Variants in DOK7 observed in about 807,000 individuals in gnomAD.
DOK7 encodes the protein docking protein 7.
DOK7 carries 32 observed loss-of-function variants against 30.7 expected under a neutral mutation model. That is an observed-to-expected ratio of 1.04 (90% CI 0.79 to 1.40). The LOEUF (loss-of-function observed/expected upper bound fraction) is 1.40. Among genes scored for constraint, DOK7 ranks in the 40% most tolerant of loss-of-function variants. The probability of loss-of-function intolerance (pLI) is 0.00; values close to 1 mark genes in which losing one functional copy is unlikely to be tolerated. For synonymous variants in DOK7, 447 were observed against 324.1 expected (o/e 1.38, Z -4.07); for missense variants, 1,007 against 699.2 (o/e 1.44, Z -4.97).
In DOK7 at chr4:3,500,436, A is replaced by G. The variant is rs2858037; in HGVS notation, c.1261+33A>G. 0.71 allele frequency: 1,082,013 copies of G among 1,531,842 alleles called. 385,019 individuals are homozygous for G. The highest frequency in any genetic ancestry group is 0.93 in the East Asian group (37,823 of 40,780). 94.9% of individuals were successfully genotyped at this position (1,531,842 alleles called of 1,614,324 possible). On this transcript the variant is annotated intron_variant, in intron 7 of 7. Transcript: ENST00000643608. ...CCCGCCCTGCGTGGAGGCACTGACA[A>G]TTGGGGGCTGGGACCACAGCCTCAG...
Position 3,494,403 on chromosome 4 carries a change from C to CTCTT in DOK7, c.*904_*907dup, listed in dbSNP as rs1728777126. 1.0e-6 allele frequency: 1 copy of CTCTT among 985,828 alleles called. No homozygotes were observed. Among genetic ancestry groups the CTCTT allele is most frequent in the Non-Finnish European group, 1.2e-6 (1 of 830,204 alleles). The allele number at this position is 985,828 out of a possible 1,614,324, so 61.1% of individuals were successfully genotyped here. ...CAGCCCAGCAGCTCCCTGTGAACAC[C>CTCTT]TCTTTGTCCCTTCACTGTCAGCTGT... is the stretch of plus-strand genomic sequence containing the variant. On this transcript the variant is annotated 3_prime_UTR_variant, in exon 7 of 7. Transcript: ENST00000340083.
At chr4:3,472,557 A>G (rs956349991) in intron 2 of DOK7, among the ~76,000 whole-genome samples, 3 of 152,154 alleles carry the variant, frequency 2.0e-5, no homozygotes, top group African/African-American at 7.2e-5. Context: ...CTGCTCTCTC[A>G]GGCAGACCTG....
At position 3,473,650 on chromosome 4, in the gene DOK7, G is replaced by C; in HGVS notation, c.331+14G>C. 6.5e-7 allele frequency: 1 copy of C among 1,535,866 alleles called. No homozygotes were observed. The highest frequency in any genetic ancestry group is 8.8e-7 in the Non-Finnish European group (1 of 1,134,974). ...CGCTCGGCGAGGGTGAGTGACGGGG[G>C]CCGGGGCCGGGCGGGGGCTCCCCGT... On this transcript the variant is annotated intron_variant, in intron 3 of 6. Coordinates refer to ENST00000340083, the MANE Select transcript of DOK7 (RefSeq NM_173660.5).
At chr4:3,491,166 CCTG>C (rs1374968784) in intron 6 of DOK7, among the ~76,000 whole-genome samples, 3 of 106,512 alleles carry the variant, frequency 2.8e-5, no homozygotes, top group Non-Finnish European at 5.8e-5. Flanking sequence ...CCTTCTTCCT[CCTG>C]CTCATTCATT....
At chr4:3,500,861 C>T (rs376189105) in exon 8 of DOK7, 24 of 1,503,684 alleles carry the variant, frequency 1.6e-5, no homozygotes, top group Middle Eastern at 2.4e-4. Flanking sequence ...AAACCCGGTG[C>T]GCTGTGCGGC....
chr4:3,470,671 G>A (rs1174646504), intron 2 of DOK7, among the ~76,000 whole-genome samples: 1 of 152,202 alleles, frequency 6.6e-6, no homozygotes, highest in South Asian at 2.1e-4. Context: ...AAATCCTGCC[G>A]GAACCTGTTT....
At chr4:3,494,553 G>A, downstream of DOK7, 4 of 982,062 alleles carry the variant, frequency 4.1e-6, no homozygotes, top group Non-Finnish European at 4.8e-6. Flanking sequence ...GCCTCTGCCT[G>A]GATGCGAAGT....
chr4:3,492,175 C>T (rs1214218837), intron 6 of DOK7, among the ~76,000 whole-genome samples: 2 of 152,160 alleles, frequency 1.3e-5, no homozygotes, highest in African/African-American at 4.8e-5. Flanking sequence ...GGGAGGCAGC[C>T]TGGGATCTGC....
chr4:3,464,675 G>A (rs1001881039), intron 2 of DOK7, among the ~76,000 whole-genome samples: 7 of 152,164 alleles, frequency 4.6e-5, no homozygotes, highest in South Asian at 2.1e-4. Context: ...GGCTGGAGCC[G>A]GTGCAGACCC....
downstream of DOK7, among the ~76,000 whole-genome samples, chr4:3,495,490 T>G (rs1184621331): frequency 1.3e-5 from 2 of 152,322 alleles, no homozygotes; most frequent in African/African-American, 4.8e-5. Context: ...AGCCTTTCCC[T>G]GTGGGGATGC....
chr4:3,483,782 AC>A (rs770394617), intron 4 of DOK7, among the ~76,000 whole-genome samples: 1 of 152,156 alleles, frequency 6.6e-6, no homozygotes, highest in African/African-American at 2.4e-5. Context: ...GGAGGGGTGG[AC>A]CACGGGGACA....
At chr4:3,468,664 GTGCCTGTGTGCA>G (rs1241265119) in intron 2 of DOK7, among the ~76,000 whole-genome samples, 2 of 110,162 alleles carry the variant, frequency 1.8e-5, no homozygotes, top group Non-Finnish European at 4.1e-5. Flanking sequence ...ATGAGTGTGT[GTGCCTGTGTGCA>G]TGCCTGTGTG....
At chr4:3,496,494 A>T (rs1022281008), downstream of DOK7, among the ~76,000 whole-genome samples, 1 of 152,228 alleles carries the variant, frequency 6.6e-6, no homozygotes, top group African/African-American at 2.4e-5. Flanking sequence ...CTCTAATAGC[A>T]AAATAGTGGG....
At chr4:3,498,846 AGGCAGGGTTGG>A (rs1396163223), downstream of DOK7, among the ~76,000 whole-genome samples, 1 of 152,248 alleles carries the variant, frequency 6.6e-6, no homozygotes, top group African/African-American at 2.4e-5. Flanking sequence ...CCTCAGGGCC[AGGCAGGGTTGG>A]GGCAGAATTG....
At chr4:3,481,754 A>G (rs1037704820) in intron 4 of DOK7, among the ~76,000 whole-genome samples, 2 of 152,214 alleles carry the variant, frequency 1.3e-5, no homozygotes, top group East Asian at 3.8e-4. Flanking sequence ...AGGGGCAGCC[A>G]CGAGGGCACT....
intron 3 of DOK7, among the ~76,000 whole-genome samples, chr4:3,474,930 A>T (rs915583152): frequency 6.6e-6 from 1 of 152,134 alleles, no homozygotes; most frequent in Non-Finnish European, 1.5e-5. Context: ...AAACACAAAA[A>T]AACTTGCTAT....
rs968704072 is a variant in DOK7 at position 3,493,375 on chromosome 4, G to A, written c.1389G>A (p.Glu463=). Residue 463 remains glutamate, a synonymous_variant, in exon 7 of 7, where the codon GAG becomes GAA. Transcript: ENST00000340083. ...TGATGGAGGCCCCCCAGGGCAGCGA[G>A]GCCACACTGCCTGGCCCTGCCCCTG... is the stretch of plus-strand genomic sequence containing the variant. The part of the protein sequence containing the change: ...GLVMEAPQGS[E]ATLPGPAPGE... The A allele has an allele frequency of 6.3e-7, 1 of 1,595,914 alleles. No individual in the cohort carries two copies. Among genetic ancestry groups the A allele is most frequent in the Non-Finnish European group, 8.5e-7 (1 of 1,171,966 alleles).
Position 3,494,189 on chromosome 4 carries a change from T to C in DOK7, c.*688T>C. The C allele has an allele frequency of 1.0e-6, 1 of 985,578 alleles. No individual in the cohort carries two copies. The highest frequency in any genetic ancestry group is 1.1e-4 in the East Asian group (1 of 8,818). 61.1% of individuals were successfully genotyped at this position (985,578 alleles called of 1,614,324 possible). On this transcript the variant is annotated 3_prime_UTR_variant, in exon 7 of 7. Transcript: ENST00000340083. ...GCTGACCCCACTGGGAGAGGCGCCG[T>C]GCCTCGGGCCCCTGGTGGGAGCTCT...
chr4:3,487,748 G>A (rs570304692), intron 5 of DOK7, among the ~76,000 whole-genome samples: 1 of 152,340 alleles, frequency 6.6e-6, no homozygotes, highest in East Asian at 1.9e-4. Context: ...GGGAAATGGT[G>A]GGAGGTTGTG....
Sources: gnomAD v4.1 joint callset for allele counts (sites outside exome capture counted in the v4.1 genomes callset) on GRCh38, gnomAD v4.1.1 for gene constraint, MANE v1.5 for transcripts, NCBI Gene and HGNC (gene_info 2026-07-23, HGNC 2026-07-21) for gene names.